CLINT1: variants seen among roughly 807,000 people sequenced by gnomAD.
CLINT1 encodes the protein clathrin interactor 1, also known as clathrin interacting protein localized in the trans-Golgi region.
CLINT1 carries 15 observed loss-of-function variants against 70.4 expected under a neutral mutation model. The ratio of observed to expected loss-of-function variants is 0.21; its 90% CI spans 0.14 to 0.33. The LOEUF (loss-of-function observed/expected upper bound fraction) is 0.33, where lower values mean the gene tolerates loss of function less well. Ranked by LOEUF, CLINT1 falls within the 10% of genes least tolerant of loss-of-function variation. CLINT1 has a pLI of 1.00. For missense variants in CLINT1, 615 were observed against 778.1 expected, an observed-to-expected ratio of 0.79 and a Z score of 2.49; for synonymous variants, 227 against 254.7, an observed-to-expected ratio of 0.89 and a Z score of 1.04.
At chr5:157,835,766 C>T (rs1763399160) in intron 1 of CLINT1, among the ~76,000 whole-genome samples, 1 of 152,170 alleles carries the variant, frequency 6.6e-6, no homozygotes, top group African/African-American at 2.4e-5. Flanking sequence ...ACTAGAAAGA[C>T]TTATTAATTT....
intron 1 of CLINT1, among the ~76,000 whole-genome samples, chr5:157,839,765 A>ATC (rs902984111): frequency 1.3e-5 from 2 of 149,816 alleles, no homozygotes; most frequent in Non-Finnish European, 3.0e-5. Flanking sequence ...CTATCTATCT[A>ATC]TACATATAAT....
intron 9 of CLINT1, among the ~76,000 whole-genome samples, chr5:157,794,230 G>A (rs542496101): frequency 2.0e-4 from 31 of 151,996 alleles, no homozygotes; most frequent in African/African-American, 7.2e-4. Context: ...TTGAAGGCTC[G>A]AAGGCTTTCA....
chr5:157,831,266 C>T (rs1404458325), intron 1 of CLINT1, among the ~76,000 whole-genome samples: 1 of 151,524 alleles, frequency 6.6e-6, no homozygotes, highest in Non-Finnish European at 1.5e-5. Context: ...TGGCTCACCG[C>T]AACCTCCGCC....
At chr5:157,796,680 T>C (rs1389164173) in intron 8 of CLINT1, among the ~76,000 whole-genome samples, 1 of 152,226 alleles carries the variant, frequency 6.6e-6, no homozygotes, top group Non-Finnish European at 1.5e-5. Flanking sequence ...AAAGACATTC[T>C]GCCCCATCTG....
chr5:157,834,173 G>C (rs1405385462), intron 1 of CLINT1, among the ~76,000 whole-genome samples: 1 of 151,976 alleles, frequency 6.6e-6, no homozygotes, highest in Non-Finnish European at 1.5e-5. Context: ...AGACCAGCCT[G>C]GGCAACATGG....
intron 1 of CLINT1, among the ~76,000 whole-genome samples, chr5:157,831,156 AT>A (rs1763231140): frequency 6.6e-6 from 1 of 150,424 alleles, no homozygotes. Context: ...TAATAACCTT[AT>A]GTTAAACAGC....
intron 1 of CLINT1, 34 bp downstream of exon 1, chr5:157,858,879 CTCCCCCCTCCCCCACGT>C: frequency 2.0e-6 from 1 of 497,464 alleles, no homozygotes; most frequent in Non-Finnish European, 3.6e-6. Context: ...CCTTCTCCCC[CTCCCCCCTCCCCCACGT>C]GGGCCTCGGC....
chr5:157,852,066 G>A (rs542229922), intron 1 of CLINT1, among the ~76,000 whole-genome samples: 1 of 152,174 alleles, frequency 6.6e-6, no homozygotes, highest in African/African-American at 2.4e-5. Context: ...TCTTGATATT[G>A]TTCAGTCTCT....
rs1761751024 is a variant in CLINT1, at chr5:157,787,199, T to C, written c.*447A>G. ...AACTGATCATCCAACTTTAATGATT[T>C]CATATATGGACTCAAGAGTGGTAGT... is the stretch of plus-strand genomic sequence containing the variant. On this transcript the variant is annotated 3_prime_UTR_variant, in exon 12 of 12. Coordinates refer to ENST00000411809, the MANE Select transcript of CLINT1 (RefSeq NM_014666.4). 1 of 155,086 alleles carries C rather than the reference T, an allele frequency of 6.4e-6. No homozygotes were observed. Among genetic ancestry groups the C allele is most frequent in the South Asian group, 2.0e-4 (1 of 4,952 alleles). 9.6% of individuals were successfully genotyped at this position (155,086 alleles called of 1,614,324 possible).
In CLINT1 at chr5:157,787,619, C is replaced by T. The variant is rs747447457; in HGVS notation, c.*27G>A. 1.9e-6 allele frequency: 3 copies of T among 1,592,644 alleles called. No homozygotes were observed. Among genetic ancestry groups the T allele is most frequent in the Non-Finnish European group, 2.6e-6 (3 of 1,163,326 alleles). ...CCTATCTGCACAGCTAAAAATTCTT[C>T]ATTCAATCTGCTTCTTTTACAATCT... On this transcript the variant is annotated 3_prime_UTR_variant, in exon 12 of 12. Coordinates refer to ENST00000411809, the MANE Select transcript of CLINT1 (RefSeq NM_014666.4).
intron 1 of CLINT1, among the ~76,000 whole-genome samples, chr5:157,833,467 G>A (rs1763312569): frequency 2.6e-5 from 4 of 152,060 alleles, no homozygotes; most frequent in African/African-American, 7.2e-5. Flanking sequence ...TGAAGAATAG[G>A]CCTTTTGCAC....
intron 1 of CLINT1, among the ~76,000 whole-genome samples, chr5:157,831,562 C>T (rs1342796469): frequency 2.0e-5 from 3 of 152,276 alleles, no homozygotes; most frequent in Non-Finnish European, 4.4e-5. Context: ...CTCACTCTCA[C>T]ACCAGCAGCT....
At position 157,813,175 on chromosome 5, in the gene CLINT1, C is replaced by A; in HGVS notation, c.405G>T (p.Leu135Phe). ...GINIRQKVKE[L>F]VEFAQDDDRL... is the part of the protein sequence containing the mutation. ...TGTCGTCATCCTGGGCAAATTCAAC[C>A]AATTCCTTCACCTTCTGTCGAATAT... The change falls in exon 5 of 12, where the codon TTG (leucine) becomes TTT (phenylalanine). Residue 135 changes from leucine to phenylalanine, a missense_variant. Coordinates refer to ENST00000411809, the MANE Select transcript of CLINT1 (RefSeq NM_014666.4). The A allele has an allele frequency of 6.2e-7, 1 of 1,613,728 alleles. No individual in the cohort carries two copies. Among genetic ancestry groups the A allele is most frequent in the Non-Finnish European group, 8.5e-7 (1 of 1,179,836 alleles).
In CLINT1 at chr5:157,787,997, C is replaced by A; in HGVS notation, c.1532-5G>T. ...CATTCATAGGCTGCTGCATATCTACCAGACGAAAACAGACAGAAGAACTTT... is the reference window on the plus strand; with the variant it reads ...CATTCATAGGCTGCTGCATATCTACAAGACGAAAACAGACAGAAGAACTTT... On this transcript the variant is annotated splice_polypyrimidine_tract_variant and splice_region_variant and intron_variant, in intron 11 of 11. Transcript: ENST00000411809. 6.3e-7 allele frequency: 1 copy of A among 1,588,210 alleles called. No individual in the cohort carries two copies. Among genetic ancestry groups the A allele is most frequent in the Non-Finnish European group, 8.6e-7 (1 of 1,164,674 alleles).
At chr5:157,830,330 AT>A (rs1228357822) in intron 1 of CLINT1, among the ~76,000 whole-genome samples, 2 of 151,632 alleles carry the variant, frequency 1.3e-5, no homozygotes, top group South Asian at 2.1e-4. Flanking sequence ...GTTATTTCTT[AT>A]TTTTTACCTA....
chr5:157,799,101 T>C (rs954504820), intron 8 of CLINT1, among the ~76,000 whole-genome samples: 2 of 152,100 alleles, frequency 1.3e-5, no homozygotes, highest in African/African-American at 4.8e-5. Flanking sequence ...ATGTAGAAAA[T>C]GTATTTTAAA....
chr5:157,816,906 G>T, intron 2 of CLINT1, 76 bp from the exon 3 acceptor site: 1 of 1,048,330 alleles, frequency 9.5e-7, no homozygotes, highest in Non-Finnish European at 1.4e-6. Flanking sequence ...TTCTAATTTG[G>T]TGTTTCCCTG....
chr5:157,788,596 C>G (rs938127060), intron 11 of CLINT1, among the ~76,000 whole-genome samples: 3 of 152,104 alleles, frequency 2.0e-5, no homozygotes, highest in Non-Finnish European at 2.9e-5. Context: ...TTATTCAACA[C>G]AGGGAAAATG....
At chr5:157,790,697 A>G (rs1217596724) in intron 10 of CLINT1, 2 of 449,574 alleles carry the variant, frequency 4.4e-6, no homozygotes, top group Admixed American at 2.5e-5. Flanking sequence ...CATATTCTCA[A>G]TAGTTTGAGT....
Sources: allele counts gnomAD v4.1 joint callset (sites outside exome capture counted in the v4.1 genomes callset), GRCh38; gene constraint gnomAD v4.1.1; transcripts MANE v1.5; gene names NCBI Gene and HGNC (gene_info 2026-07-23, HGNC 2026-07-21).